FAM135B: variants seen among roughly 807,000 people sequenced by gnomAD.
FAM135B encodes the protein family with sequence similarity 135 member B.
Under a neutral mutation model 127.7 loss-of-function variants are expected in FAM135B, and 43 were observed. The ratio of observed to expected loss-of-function variants is 0.34; its 90% CI spans 0.26 to 0.43. The LOEUF (loss-of-function observed/expected upper bound fraction) is 0.43, where lower values mean the gene tolerates loss of function less well. Ranked by LOEUF, FAM135B falls within the 20% of genes least tolerant of loss-of-function variation. FAM135B has a pLI of 1.00. For synonymous variants in FAM135B, 670 were observed against 665.1 expected (o/e 1.01, Z -0.11); for missense variants, 1,558 against 1,725.6 (o/e 0.90, Z 1.72).
chr8:138,397,178 G>A (rs936464315), intron 1 of FAM135B, among the ~76,000 whole-genome samples: 5 of 152,150 alleles, frequency 3.3e-5, no homozygotes, highest in South Asian at 2.1e-4. Flanking sequence ...GCTGGGCTCC[G>A]TGACAGACGA....
intron 1 of FAM135B, among the ~76,000 whole-genome samples, chr8:138,476,424 G>A (rs1814445022): frequency 6.6e-6 from 1 of 151,496 alleles, no homozygotes; most frequent in African/African-American, 2.4e-5. Flanking sequence ...CGGTGAGGTG[G>A]ATGCTGATGA....
At chr8:138,308,003 T>C (rs879415246) in intron 3 of FAM135B, among the ~76,000 whole-genome samples, 1 of 152,192 alleles carries the variant, frequency 6.6e-6, no homozygotes, top group Non-Finnish European at 1.5e-5. Context: ...TCACTGTACA[T>C]GCAGACAGTG....
intron 1 of FAM135B, among the ~76,000 whole-genome samples, chr8:138,384,612 G>A (rs979203411): frequency 2.6e-5 from 4 of 152,080 alleles, no homozygotes; most frequent in African/African-American, 9.7e-5. Context: ...TAACTACAGA[G>A]AGAGAGAGAC....
At chr8:138,370,686 G>C (rs1439178488) in intron 1 of FAM135B, among the ~76,000 whole-genome samples, 1 of 152,078 alleles carries the variant, frequency 6.6e-6, no homozygotes, top group Admixed American at 6.5e-5. Context: ...TCCTGACCTC[G>C]TGATCTGCCC....
chr8:138,409,018 C>A (rs915035570), intron 1 of FAM135B, among the ~76,000 whole-genome samples: 1 of 152,164 alleles, frequency 6.6e-6, no homozygotes, highest in Non-Finnish European at 1.5e-5. Flanking sequence ...TTCTTCAAGA[C>A]CTTTTCCCTT....
intron 2 of FAM135B, among the ~76,000 whole-genome samples, chr8:138,327,085 T>C (rs1345558978): frequency 6.6e-6 from 1 of 152,188 alleles, no homozygotes; most frequent in Admixed American, 6.5e-5. Flanking sequence ...TATATTAATA[T>C]GAAGTGATAA....
intron 1 of FAM135B, among the ~76,000 whole-genome samples, chr8:138,496,433 AGCCTCTCC>A (rs1815394771): frequency 6.6e-6 from 1 of 152,108 alleles, no homozygotes; most frequent in Non-Finnish European, 1.5e-5. Flanking sequence ...TCATTAACCC[AGCCTCTCC>A]GCTCCTTTCA....
At chr8:138,253,002 T>G (rs1052252029) in intron 5 of FAM135B, among the ~76,000 whole-genome samples, 1 of 152,146 alleles carries the variant, frequency 6.6e-6, no homozygotes, top group Non-Finnish European at 1.5e-5. Context: ...GGTTTCACCA[T>G]GTTGGGCAGG....
chr8:138,392,157 C>T (rs1484943715), intron 1 of FAM135B, among the ~76,000 whole-genome samples: 2 of 152,328 alleles, frequency 1.3e-5, no homozygotes, highest in Admixed American at 6.5e-5. Context: ...TTTGACTAAA[C>T]ATTTCCCTTT....
intron 7 of FAM135B, among the ~76,000 whole-genome samples, chr8:138,231,170 G>T (rs1819882181): frequency 6.6e-6 from 1 of 151,876 alleles, no homozygotes; most frequent in South Asian, 2.1e-4. Flanking sequence ...ACAGGTTCAT[G>T]CCACCACACC....
intron 2 of FAM135B, among the ~76,000 whole-genome samples, chr8:138,337,922 T>C (rs974060784): frequency 2.6e-5 from 4 of 151,762 alleles, no homozygotes; most frequent in Admixed American, 2.0e-4. Flanking sequence ...TATAGACCAA[T>C]GGAACAGAAG....
intron 2 of FAM135B, chr8:138,367,227 T>C (rs1587250568): frequency 3.1e-6 from 1 of 327,452 alleles, no homozygotes; most frequent in African/African-American, 2.2e-5. Flanking sequence ...ACTTTGCTTT[T>C]TGTGTGTCAG....
intron 7 of FAM135B, among the ~76,000 whole-genome samples, chr8:138,207,494 G>A (rs963511987): frequency 1.3e-5 from 2 of 152,090 alleles, no homozygotes; most frequent in Non-Finnish European, 2.9e-5. Context: ...ACAGGCATGA[G>A]TCACCGCGCC....
At chr8:138,157,626 A>G (rs1448496275) in intron 12 of FAM135B, among the ~76,000 whole-genome samples, 1 of 152,190 alleles carries the variant, frequency 6.6e-6, no homozygotes, top group Non-Finnish European at 1.5e-5. Context: ...AATGTGCAAA[A>G]ATCACAAACA....
intron 6 of FAM135B, among the ~76,000 whole-genome samples, chr8:138,244,679 T>C (rs1455013613): frequency 2.6e-5 from 4 of 152,226 alleles, no homozygotes; most frequent in African/African-American, 9.6e-5. Context: ...GAAGGAACAT[T>C]CCAGAAGAAA....
intron 3 of FAM135B, among the ~76,000 whole-genome samples, chr8:138,310,469 T>C (rs1826596276): frequency 6.6e-6 from 1 of 152,132 alleles, no homozygotes; most frequent in African/African-American, 2.4e-5. Flanking sequence ...CACCGCCTAC[T>C]CACTCAGTCC....
intron 7 of FAM135B, among the ~76,000 whole-genome samples, chr8:138,202,047 C>T (rs958901059): frequency 6.4e-5 from 9 of 141,032 alleles, no homozygotes; most frequent in Non-Finnish European, 1.2e-4. Context: ...ATCGCTTGAA[C>T]CTGAGAGGTG....
chr8:138,189,034 C>T (rs1305990338), intron 9 of FAM135B, among the ~76,000 whole-genome samples: 1 of 152,134 alleles, frequency 6.6e-6, no homozygotes, highest in Admixed American at 6.5e-5. Context: ...TGAATGTTGC[C>T]TTATTCAAAA....
Position 138,139,115 on chromosome 8 carries a change from A to G in FAM135B, c.3791-19T>C, listed in dbSNP as rs888929960. ...CATAAGCCTAGGAAGACAAAAACAA[A>G]ATAAAAATCAAAAACACAAAACAAA... On this transcript the variant is annotated intron_variant, in intron 17 of 19. Coordinates refer to ENST00000395297, the MANE Select transcript of FAM135B (RefSeq NM_015912.4). 3 of 1,533,204 alleles carry G rather than the reference A, an allele frequency of 2.0e-6. No homozygotes were observed. The highest frequency in any genetic ancestry group is 1.4e-5 in the African/African-American group (1 of 72,744). 95.0% of individuals were successfully genotyped at this position (1,533,204 alleles called of 1,614,324 possible).
Sources: allele counts gnomAD v4.1 joint callset (sites outside exome capture counted in the v4.1 genomes callset), GRCh38; gene constraint gnomAD v4.1.1; transcripts MANE v1.5; gene names NCBI Gene and HGNC (gene_info 2026-07-23, HGNC 2026-07-21).